The following MYH1 variants were observed in gnomAD, a reference collection of about 807,000 sequenced individuals.
MYH1 encodes the protein myosin heavy chain 1.
In MYH1, 214 loss-of-function variants were observed where a neutral mutation model predicts 225.6. The ratio of observed to expected loss-of-function variants is 0.95; its 90% CI spans 0.85 to 1.06. The LOEUF is 1.06. MYH1 is among the 50% of genes least tolerant of loss of function. MYH1 has a pLI of 0.00. For missense variants in MYH1, 2,098 were observed against 2,344.2 expected (o/e 0.89, Z 2.17); for synonymous variants, 774 against 842.3 (o/e 0.92, Z 1.40).
rs766283461 is a variant in MYH1, at chr17:10,501,586, T to A, written c.3348+8A>T. 1.9e-5 allele frequency: 30 copies of A among 1,614,140 alleles called. 1 individual carries two copies. Among genetic ancestry groups the A allele is most frequent in the Middle Eastern group, 1.6e-4 (1 of 6,084 alleles). Reference sequence around the variant, plus strand: ...TTAAATTAGCCTGGCGAAAATCATTTAACGTACTTGTAACTCCTTGATTTT... The same window carrying A: ...TTAAATTAGCCTGGCGAAAATCATTAAACGTACTTGTAACTCCTTGATTTT... On this transcript the variant is annotated splice_region_variant and intron_variant, in intron 26 of 39. Transcript: ENST00000226207.
rs146651170 is a variant in MYH1, at chr17:10,497,860, G to A, written c.4239C>T (p.Ala1413=). 3.1e-6 allele frequency: 5 copies of A among 1,613,440 alleles called. No homozygotes were observed. The highest frequency in any genetic ancestry group is 2.2e-5 in the South Asian group (2 of 90,886). Residue 1413 remains alanine, a synonymous_variant, in exon 31 of 40, where the codon GCC becomes GCT. Transcript: ENST00000226207. The part of the protein sequence containing the change: ...DAEEHVEAVN[A]KCASLEKTKQ... ...TCGTCTTCTCAAGGGAAGCACATTT[G>A]GCATTCACAGCTTCTACATGTTCCT... is the stretch of plus-strand genomic sequence containing the variant.
chr17:10,514,002 A>C lies in MYH1; in HGVS notation c.648+8T>G. ...AGAGCCTGGATTCTGACTAACAATC[A>C]GACTCACCTGCATTTTGCCAGAAGT... On this transcript the variant is annotated splice_region_variant and intron_variant, in intron 7 of 39. Coordinates refer to ENST00000226207, the MANE Select transcript of MYH1 (RefSeq NM_005963.4). 6.2e-7 allele frequency: 1 copy of C among 1,614,136 alleles called. No individual in the cohort carries two copies. The highest frequency in any genetic ancestry group is 8.5e-7 in the Non-Finnish European group (1 of 1,179,960).
At chr17:10,500,489 C>G in intron 28 of MYH1, 137 bp downstream of exon 28, 1 of 1,284,100 alleles carries the variant, frequency 7.8e-7, no homozygotes, top group Non-Finnish European at 1.1e-6. Context: ...TGCCAGTGGT[C>G]AATAATGTGT....
intron 28 of MYH1, among the ~76,000 whole-genome samples, chr17:10,499,343 C>G (rs982229648): frequency 6.6e-6 from 1 of 152,034 alleles, no homozygotes; most frequent in Admixed American, 6.6e-5. Context: ...ATTATTTGAT[C>G]GTAGTCAAAA....
chr17:10,499,062 TC>T lies in MYH1; in HGVS notation c.3895del (p.Asp1299ThrfsTer3). Reference sequence around the variant, plus strand: ...CCTCGAGAGCTGTGAAACTAGTGTGTCCTTTTCATCTAGCTGGCGTGAATAT... The same window carrying T: ...CCTCGAGAGCTGTGAAACTAGTGTGTCTTTTCATCTAGCTGGCGTGAATAT... ...GEYSRQLDEK[D>X]TLVSQLSRGK... On this transcript the variant is annotated frameshift_variant, in exon 29 of 40. Coordinates refer to ENST00000226207, the MANE Select transcript of MYH1 (RefSeq NM_005963.4). LOFTEE classifies it high-confidence loss of function. The T allele has an allele frequency of 6.2e-7, 1 of 1,614,048 alleles. No homozygotes were observed. Among genetic ancestry groups the T allele is most frequent in the South Asian group, 1.1e-5 (1 of 91,072 alleles).
intron 6 of MYH1, 26 bp downstream of exon 6, chr17:10,514,842 A>G (rs763178119): frequency 5.6e-6 from 9 of 1,601,222 alleles, no homozygotes; most frequent in South Asian, 5.6e-5. Flanking sequence ...CAAACTGCCA[A>G]TAAATCTCAG....
At chr17:10,497,243 C>A (rs940309827) in intron 32 of MYH1, 44 bp downstream of exon 32, 62 of 1,590,990 alleles carry the variant, frequency 3.9e-5, no homozygotes, top group African/African-American at 5.5e-5. Context: ...GGAAAAGATT[C>A]TTTCAAATCT....
chr17:10,496,848 T>G (rs2073000607), intron 33 of MYH1, among the ~76,000 whole-genome samples: 1 of 152,258 alleles, frequency 6.6e-6, no homozygotes, highest in South Asian at 2.1e-4. Flanking sequence ...GATTGTGCCC[T>G]TGAAAGCAGG....
chr17:10,505,880 C>A lies in MYH1; in HGVS notation c.2106G>T (p.Val702=). The A allele has an allele frequency of 6.2e-7, 1 of 1,614,142 alleles. No individual in the cohort carries two copies. The highest frequency in any genetic ancestry group is 8.5e-7 in the Non-Finnish European group (1 of 1,179,994). Residue 702 remains valine, a synonymous_variant, in exon 19 of 40, where the codon GTG becomes GTT. Transcript: ENST00000226207. ...LVLHQLRCNG[V]LEGIRICRKG... The stretch of plus-strand genomic sequence containing the variant: ...TCCTGCAGATGCGGATGCCTTCCAG[C>A]ACACCGTTACACCTCAGCTGATGCA...
chr17:10,497,481 T>C, intron 31 of MYH1, 29 bp from the exon 32 acceptor site: 1 of 1,587,102 alleles, frequency 6.3e-7, no homozygotes, highest in Non-Finnish European at 8.5e-7. Flanking sequence ...ACAAGAAATT[T>C]AGTGGACAAA....
At position 10,496,041 on chromosome 17, in the gene MYH1, C is replaced by T. The variant is rs980224192; in HGVS notation, c.5078G>A (p.Arg1693Gln). 4.3e-6 allele frequency: 7 copies of T among 1,614,056 alleles called. No individual in the cohort carries two copies. The highest frequency in any genetic ancestry group is 1.7e-5 in the Admixed American group (1 of 60,018). Residue 1693 changes from arginine to glutamine, a missense_variant, in exon 35 of 40, where the codon CGG becomes CAG. Transcript: ENST00000226207. ...CCTCTCTGTCTGTTCCAGAGTGGCC[C>T]GCAGCTCCTCGATCTCAGCCTGCAG... Reference protein sequence around the residue: ...NLLQAEIEELRATLEQTERSR... With the variant: ...NLLQAEIEELQATLEQTERSR...
At chr17:10,515,792 C>G in intron 5 of MYH1, 134 bp downstream of exon 5, 1 of 1,453,632 alleles carries the variant, frequency 6.9e-7, no homozygotes. Context: ...ATATACTTCT[C>G]TGTGCTTTAG....
chr17:10,517,909 G>T (rs1055324185), intron 2 of MYH1, among the ~76,000 whole-genome samples: 1 of 152,160 alleles, frequency 6.6e-6, no homozygotes, highest in African/African-American at 2.4e-5. Flanking sequence ...CTCTATAATT[G>T]AGTAACACTT....
chr17:10,493,381 T>G (rs944971100), intron 39 of MYH1, among the ~76,000 whole-genome samples: 1 of 152,116 alleles, frequency 6.6e-6, no homozygotes, highest in Non-Finnish European at 1.5e-5. Context: ...CTCTCTTACC[T>G]TAGATGTCAG....
At chr17:10,497,623 G>A (rs2073010371) in intron 31 of MYH1, 111 bp downstream of exon 31, 11 of 1,509,166 alleles carry the variant, frequency 7.3e-6, no homozygotes, top group Admixed American at 2.1e-5. Context: ...GCTGCTGATG[G>A]GTTAAGAGCT....
At position 10,497,073 on chromosome 17, in the gene MYH1, GCCT is replaced by G; in HGVS notation, c.4649_4651del (p.Glu1550del). The G allele has an allele frequency of 6.2e-7, 1 of 1,613,460 alleles. No homozygotes were observed. The highest frequency in any genetic ancestry group is 8.5e-7 in the Non-Finnish European group (1 of 1,179,910). ...AGTATGCAATAAAATGCTTACCTCT[GCCT>G]CCTCTAAGGCAGCCTGAAGTTCAGA... On this transcript the variant is annotated inframe_deletion, in exon 33 of 40. Transcript: ENST00000226207.
rs1347051181 is a variant in MYH1, at chr17:10,502,993, A to T, written c.2934+13T>A. The T allele has an allele frequency of 6.2e-7, 1 of 1,613,928 alleles. No individual in the cohort carries two copies. Among genetic ancestry groups the T allele is most frequent in the African/African-American group, 1.3e-5 (1 of 74,922 alleles). ...CAGAACCTCTATACAGTACTGTAGA[A>T]TATGATTGATACCTTGTTTTCTGTG... On this transcript the variant is annotated intron_variant, in intron 23 of 39. Transcript: ENST00000226207.
chr17:10,504,611 C>T (rs1366390390), intron 22 of MYH1, among the ~76,000 whole-genome samples, 199 bp downstream of exon 22: 1 of 152,104 alleles, frequency 6.6e-6, no homozygotes, highest in Non-Finnish European at 1.5e-5. Context: ...TTTATTTTTC[C>T]CTTCTTGACA....
rs1321872869 is a variant in MYH1, at chr17:10,505,280, A to G, written c.2318T>C (p.Leu773Pro). ...GHTKVFFKAG[L>P]LGLLEEMRDE... ...TCGCATCTCCTCTAGGAGCCCCAGA[A>G]GACCAGCTTTGAAAAAGACCTATGT... Residue 773 changes from leucine (L) to proline (P), a missense_variant, in exon 21 of 40, where the codon CTT becomes CCT. Transcript: ENST00000226207. The G allele has an allele frequency of 1.2e-5, 19 of 1,614,220 alleles. No individual in the cohort carries two copies. The highest frequency in any genetic ancestry group is 1.6e-5 in the Non-Finnish European group (19 of 1,180,046).
Sources: gnomAD v4.1 joint callset for allele counts (sites outside exome capture counted in the v4.1 genomes callset) on GRCh38, gnomAD v4.1.1 for gene constraint, MANE v1.5 for transcripts, NCBI Gene and HGNC (gene_info 2026-07-23, HGNC 2026-07-21) for gene names.